SPIRE1: variants seen among roughly 807,000 people sequenced by gnomAD.
The protein encoded by SPIRE1 is protein spire homolog 1.
A neutral mutation model predicts 94.1 loss-of-function variants in SPIRE1; 40 were observed. That is an observed-to-expected ratio of 0.43 (90% CI 0.33 to 0.55). The LOEUF (loss-of-function observed/expected upper bound fraction) is 0.55. Ranked by LOEUF, SPIRE1 falls within the 20% of genes least tolerant of loss-of-function variation. SPIRE1 has a pLI of 0.06. For synonymous variants in SPIRE1, 376 were observed against 371.7 expected (o/e 1.01, Z -0.13); for missense variants, 838 against 975.2 (o/e 0.86, Z 1.87).
At chr18:12,476,343 AGCCTG>A in intron 10 of SPIRE1, among the ~76,000 whole-genome samples, 1 of 151,974 alleles carries the variant, frequency 6.6e-6, no homozygotes, top group South Asian at 2.1e-4. Flanking sequence ...GTTTGAGACC[AGCCTG>A]GCCAACATGG....
At chr18:12,512,321 G>T in intron 5 of SPIRE1, 133 bp downstream of exon 5, 1 of 593,836 alleles carries the variant, frequency 1.7e-6, no homozygotes, top group Non-Finnish European at 2.9e-6. Context: ...CGGGAGGTGG[G>T]GGTTGCAGTG....
chr18:12,487,520 G>A (rs1350847183), intron 8 of SPIRE1, among the ~76,000 whole-genome samples: 5 of 150,642 alleles, frequency 3.3e-5, no homozygotes, highest in African/African-American at 9.8e-5. Context: ...GCAATCTCCC[G>A]AGTAGCTGGG....
At chr18:12,654,336 CA>C (rs199897679) in intron 1 of SPIRE1, among the ~76,000 whole-genome samples, 3,580 of 98,450 alleles carry the variant, frequency 0.036, 47 homozygotes, top group African/African-American at 0.1. Flanking sequence ...GACTCCACCT[CA>C]AAAAAAAAAA....
At chr18:12,615,336 A>AAAAAATAAAAAAAAAAT (rs1464946639) in intron 2 of SPIRE1, among the ~76,000 whole-genome samples, 2 of 53,030 alleles carry the variant, frequency 3.8e-5, no homozygotes, top group African/African-American at 9.5e-5. Flanking sequence ...TCAAAAAAAA[A>AAAAAATAAAAAAAAAAT]AAAAAAAAAA....
At chr18:12,650,978 T>G (rs1217502051) in intron 1 of SPIRE1, among the ~76,000 whole-genome samples, 1 of 151,858 alleles carries the variant, frequency 6.6e-6, no homozygotes. Flanking sequence ...CTCCTCCCAC[T>G]CACTTAGAAG....
At chr18:12,548,764 C>T (rs1416211211) in intron 2 of SPIRE1, among the ~76,000 whole-genome samples, 1 of 151,988 alleles carries the variant, frequency 6.6e-6, no homozygotes, top group African/African-American at 2.4e-5. Flanking sequence ...AGGTACACAC[C>T]ACCAGGCCTG....
chr18:12,643,873 T>C (rs912741560), intron 1 of SPIRE1, among the ~76,000 whole-genome samples: 6 of 152,080 alleles, frequency 3.9e-5, no homozygotes, highest in African/African-American at 1.4e-4. Context: ...AATATAAATA[T>C]AATGAAAAGA....
intron 3 of SPIRE1, among the ~76,000 whole-genome samples, chr18:12,537,502 A>G (rs2034876112): frequency 1.3e-5 from 2 of 152,234 alleles, no homozygotes; most frequent in Admixed American, 6.5e-5. Context: ...TGCACATTCA[A>G]TTGAATTCAC....
In SPIRE1 at chr18:12,535,578, AGTAG is replaced by A; in HGVS notation, c.623_626del (p.Pro208LeufsTer27). ...GATAATGATTTGGTGCATCTGATTC[AGTAG>A]GGAGATGAGCAGCACACAACTATAG... On this transcript the variant is annotated frameshift_variant, in exon 4 of 17. Transcript: ENST00000409402. LOFTEE classifies it high-confidence loss of function. 1 of 1,612,992 alleles carries A rather than the reference AGTAG, an allele frequency of 6.2e-7. No individual in the cohort carries two copies. The highest frequency in any genetic ancestry group is 8.5e-7 in the Non-Finnish European group (1 of 1,179,136).
intron 2 of SPIRE1, among the ~76,000 whole-genome samples, chr18:12,593,733 T>C (rs2036594142): frequency 6.6e-6 from 1 of 152,150 alleles, no homozygotes; most frequent in Non-Finnish European, 1.5e-5. Context: ...GCGGATCACC[T>C]GAGGTCAGGA....
rs549237824 is a variant in SPIRE1 at position 12,656,243 on chromosome 18, C to T, written c.337+1287G>A. Reference sequence around the variant, plus strand: ...AATGTATCTTTTGTACCATTTAATACACTATAAATTATAATTGCAAGTATT... The same window carrying T: ...AATGTATCTTTTGTACCATTTAATATACTATAAATTATAATTGCAAGTATT... On this transcript the variant is annotated intron_variant, in intron 1 of 16. Transcript: ENST00000409402. Among the ~76,000 whole-genome samples, 3 of 151,300 alleles carry T rather than the reference C, an allele frequency of 2.0e-5. No homozygotes were observed. The South Asian group carries it at 6.3e-4, about 32-fold the overall frequency.
chr18:12,659,422 C>T (rs2038649213), upstream of SPIRE1, among the ~76,000 whole-genome samples: 1 of 152,160 alleles, frequency 6.6e-6, no homozygotes, highest in African/African-American at 2.4e-5. Flanking sequence ...AATCCCAGCA[C>T]TTTGGGAGGC....
At chr18:12,633,189 AC>A (rs1247638048) in intron 2 of SPIRE1, among the ~76,000 whole-genome samples, 1 of 152,000 alleles carries the variant, frequency 6.6e-6, no homozygotes, top group Non-Finnish European at 1.5e-5. Context: ...ATCAAATCCC[AC>A]CCCTTTGTGT....
chr18:12,486,602 G>T (rs1308515835), intron 8 of SPIRE1, among the ~76,000 whole-genome samples: 2 of 152,186 alleles, frequency 1.3e-5, no homozygotes, highest in Non-Finnish European at 2.9e-5. Flanking sequence ...CTGGGAGTGT[G>T]ACCCCAGGCA....
rs2032024206 is a variant in SPIRE1, at chr18:12,464,899, C to T, written c.1464G>A (p.Glu488=). 2.5e-6 allele frequency: 4 copies of T among 1,613,960 alleles called. No individual in the cohort carries two copies. The African/African-American group carries it at 5.3e-5, about 22-fold the overall frequency. ...TTGTGGACACGGCCTCCAGGACTGG[C>T]TCTTCAGGGAAAGAGGGAGACACGC... The part of the protein sequence containing the change: ...SSSVSPSFPE[E]PVLEAVSTRK... Residue 488 remains glutamate (E), a synonymous_variant, in exon 11 of 17, where the codon GAG becomes GAA. Transcript: ENST00000409402.
At chr18:12,544,970 T>A (rs1433017797) in intron 3 of SPIRE1, among the ~76,000 whole-genome samples, 2 of 152,176 alleles carry the variant, frequency 1.3e-5, no homozygotes, top group Non-Finnish European at 2.9e-5. Flanking sequence ...CCACTCCTTA[T>A]GTATACTTCC....
intron 2 of SPIRE1, among the ~76,000 whole-genome samples, chr18:12,575,775 T>C (rs959461567): frequency 2.0e-5 from 3 of 152,222 alleles, no homozygotes; most frequent in Non-Finnish European, 4.4e-5. Context: ...TCTAAGTAAA[T>C]GGAGAAATAT....
intron 5 of SPIRE1, 66 bp downstream of exon 5, chr18:12,512,386 CAA>C (rs5823223): frequency 0.28 from 282,521 of 1,020,684 alleles, 17,114 homozygotes; most frequent in Non-Finnish European, 0.3. Context: ...GACTCTGTCT[CAA>C]AAAAAAAAAA....
At position 12,476,567 on chromosome 18, in the gene SPIRE1, ATAT is replaced by A. The variant is rs1568194438; in HGVS notation, c.1404+3129_1404+3131del. Among the ~76,000 whole-genome samples the A allele has an allele frequency of 3.2e-3, 197 of 61,780 alleles. 6 individuals carry two copies. The highest frequency in any genetic ancestry group is 6.3e-3 in the East Asian group (14 of 2,224). The allele number at this position is 61,780 out of a possible 152,430, so 40.5% of individuals were successfully genotyped here. On this transcript the variant is annotated intron_variant, in intron 10 of 16. Transcript: ENST00000409402. ...AAAAAAAAAAAAAAAAAAAAAAAAT[ATAT>A]ATATATATATATATATATACACACA...
Sources: gnomAD v4.1 joint callset for allele counts (sites outside exome capture counted in the v4.1 genomes callset) on GRCh38, gnomAD v4.1.1 for gene constraint, MANE v1.5 for transcripts, NCBI Gene and HGNC (gene_info 2026-07-23, HGNC 2026-07-21) for gene names.